Variants in ANO2 observed in about 807,000 individuals in gnomAD.
ANO2 encodes anoctamin 2.
In ANO2, 101 loss-of-function variants were observed where a neutral mutation model predicts 124.2. The ratio of observed to expected loss-of-function variants is 0.81; its 90% CI spans 0.69 to 0.96. The LOEUF is 0.96. Among genes scored for constraint, ANO2 ranks in the 40% least tolerant of loss-of-function variants. ANO2 has a pLI of 0.00. For synonymous variants in ANO2, 486 were observed against 482.5 expected, an observed-to-expected ratio of 1.01 and a Z score of -0.09; for missense variants, 1,293 against 1,274.5, an observed-to-expected ratio of 1.01 and a Z score of -0.22.
chr12:5,897,182 A>G (rs1346098343), intron 3 of ANO2, among the ~76,000 whole-genome samples: 1 of 152,192 alleles, frequency 6.6e-6, no homozygotes, highest in African/African-American at 2.4e-5. Flanking sequence ...TACAGCAGAA[A>G]GACCCAGCCA....
rs570165687 is a variant in ANO2, at chr12:5,844,835, T to TTGTG, written c.633+9204_633+9207dup. Among the ~76,000 whole-genome samples, 549 of 120,752 alleles carry TTGTG rather than the reference T, an allele frequency of 4.5e-3. 1 individual carries two copies. The highest frequency in any genetic ancestry group is 0.014 in the African/African-American group (510 of 35,298). 79.2% of individuals were successfully genotyped at this position (120,752 alleles called of 152,430 possible). A position where few individuals can be genotyped will look rare whatever the true frequency, so the allele number is the denominator to read the frequency against. On this transcript the variant is annotated intron_variant, in intron 4 of 24. Coordinates refer to ENST00000682330, the MANE Select transcript of ANO2 (RefSeq NM_001364791.2). ...GGCCTGAAAAAAATTGAACCAGTTT[T>TTGTG]TGTGTGTTTGTTTGTTTGTTTGTTT...
intron 4 of ANO2, chr12:5,839,481 T>C: frequency 2.3e-6 from 1 of 427,448 alleles, no homozygotes; most frequent in South Asian, 1.7e-5. Flanking sequence ...ACCTAACAAA[T>C]TATAAAAGAG....
chr12:5,889,290 G>A (rs1939215367), intron 3 of ANO2, among the ~76,000 whole-genome samples: 1 of 152,242 alleles, frequency 6.6e-6, no homozygotes, highest in African/African-American at 2.4e-5. Flanking sequence ...CCAGGTAGGG[G>A]CTCCCACAGT....
At chr12:5,915,619 G>T (rs1941334284) in intron 3 of ANO2, among the ~76,000 whole-genome samples, 1 of 152,184 alleles carries the variant, frequency 6.6e-6, no homozygotes, top group Admixed American at 6.5e-5. Context: ...GGGTGGGACA[G>T]CTGAGCAGGT....
chr12:5,755,555 CT>C (rs1951557498), intron 10 of ANO2, among the ~76,000 whole-genome samples: 1 of 152,066 alleles, frequency 6.6e-6, no homozygotes, highest in Non-Finnish European at 1.5e-5. Flanking sequence ...TCCCTCCCCC[CT>C]CTCCCCACCC....
At chr12:5,855,662 G>A (rs1210783582) in intron 3 of ANO2, among the ~76,000 whole-genome samples, 1 of 152,172 alleles carries the variant, frequency 6.6e-6, no homozygotes, top group Non-Finnish European at 1.5e-5. Flanking sequence ...AGGTGGTCAC[G>A]TGCATTAGCT....
intron 14 of ANO2, among the ~76,000 whole-genome samples, chr12:5,728,057 C>T (rs955512595): frequency 4.6e-5 from 7 of 152,150 alleles, no homozygotes; most frequent in Non-Finnish European, 8.8e-5. Flanking sequence ...CCGCCCACCT[C>T]GGCCTCTCAA....
At chr12:5,622,247 C>A (rs953442924) in intron 16 of ANO2, among the ~76,000 whole-genome samples, 5 of 152,192 alleles carry the variant, frequency 3.3e-5, no homozygotes, top group Non-Finnish European at 7.3e-5. Flanking sequence ...AAGTTCCCTG[C>A]AAAGAGGATC....
chr12:5,876,527 A>C (rs1331005930), intron 3 of ANO2, among the ~76,000 whole-genome samples: 3 of 152,210 alleles, frequency 2.0e-5, no homozygotes, highest in Non-Finnish European at 4.4e-5. Flanking sequence ...AGACACATGT[A>C]CTTTTATGTT....
At chr12:5,923,186 ACACACACACGCACG>A (rs1450902790) in intron 1 of ANO2, among the ~76,000 whole-genome samples, 6 of 63,066 alleles carry the variant, frequency 9.5e-5, no homozygotes, top group African/African-American at 3.2e-4. Flanking sequence ...ACACACACAT[ACACACACACGCACG>A]CACACACACC....
chr12:5,922,072 T>C (rs1941732933), intron 2 of ANO2, among the ~76,000 whole-genome samples: 2 of 143,642 alleles, frequency 1.4e-5, no homozygotes, highest in Admixed American at 6.9e-5. Context: ...CTCCAGCCAC[T>C]GGTGAGGGCC....
At chr12:5,898,200 C>T (rs553487644) in intron 3 of ANO2, among the ~76,000 whole-genome samples, 6 of 152,278 alleles carry the variant, frequency 3.9e-5, no homozygotes, top group Non-Finnish European at 7.4e-5. Context: ...TGACATACCA[C>T]TACACATGTA....
At chr12:5,568,052 CA>C (rs1237549375) in intron 23 of ANO2, among the ~76,000 whole-genome samples, 4 of 151,654 alleles carry the variant, frequency 2.6e-5, no homozygotes, top group Admixed American at 2.6e-4. Flanking sequence ...AAAAATTACA[CA>C]AAACATACTT....
intron 13 of ANO2, among the ~76,000 whole-genome samples, chr12:5,734,248 C>T (rs557767293): frequency 5.3e-4 from 81 of 152,352 alleles, no homozygotes; most frequent in South Asian, 4.6e-3. Flanking sequence ...CATCATTTCC[C>T]GCAGAGCAAC....
chr12:5,793,319 G>C (rs1340017877), intron 10 of ANO2, among the ~76,000 whole-genome samples: 1 of 152,076 alleles, frequency 6.6e-6, no homozygotes, highest in Non-Finnish European at 1.5e-5. Context: ...CTGGGCATTT[G>C]CTAGATGAAT....
At chr12:5,700,716 A>G (rs1271497352) in intron 14 of ANO2, among the ~76,000 whole-genome samples, 2 of 152,178 alleles carry the variant, frequency 1.3e-5, no homozygotes, top group East Asian at 3.8e-4. Context: ...AAGAAAAGAG[A>G]GAAGAATCAA....
intron 14 of ANO2, among the ~76,000 whole-genome samples, chr12:5,695,334 A>C (rs942658101): frequency 1.3e-5 from 2 of 151,780 alleles, no homozygotes; most frequent in South Asian, 2.1e-4. Context: ...AAGAATCTTT[A>C]AGATCATTGG....
In ANO2 at chr12:5,805,557, G is replaced by T. The variant is rs141760543; in HGVS notation, c.990+495C>A. On this transcript the variant is annotated intron_variant, in intron 9 of 24. Coordinates refer to ENST00000682330, the MANE Select transcript of ANO2 (RefSeq NM_001364791.2). ...TATACTCCACCTGCCTGCCTAAAAGGAAAGAAGAATCACCTAAAGTTGACC... is the reference window on the plus strand; with the variant it reads ...TATACTCCACCTGCCTGCCTAAAAGTAAAGAAGAATCACCTAAAGTTGACC... Among the ~76,000 whole-genome samples, 1,094 of 152,254 alleles carry T rather than the reference G, an allele frequency of 7.2e-3. 7 individuals carry two copies. The highest frequency in any genetic ancestry group is 0.024 in the African/African-American group (985 of 41,552).
At chr12:5,766,844 A>G (rs1951908108) in intron 10 of ANO2, among the ~76,000 whole-genome samples, 1 of 152,184 alleles carries the variant, frequency 6.6e-6, no homozygotes. Flanking sequence ...CTAAGCTGCG[A>G]GGTGAGTTCT....
Sources: allele counts gnomAD v4.1 joint callset (sites outside exome capture counted in the v4.1 genomes callset), GRCh38; gene constraint gnomAD v4.1.1; transcripts MANE v1.5; gene names NCBI Gene and HGNC (gene_info 2026-07-23, HGNC 2026-07-21).